Variants in ACSBG1 observed in about 807,000 individuals in gnomAD.
ACSBG1 encodes long-chain-fatty-acid--CoA ligase ACSBG1.
Under a neutral mutation model 80.2 loss-of-function variants are expected in ACSBG1, and 39 were observed. The observed-to-expected ratio is 0.49, with a 90% confidence interval of 0.38 to 0.64. ACSBG1 has a LOEUF of 0.64. ACSBG1 is among the 30% of genes least tolerant of loss of function. ACSBG1 has a pLI of 0.00. For synonymous variants in ACSBG1, 392 were observed against 379.5 expected (o/e 1.03, Z -0.38); for missense variants, 828 against 966.4 (o/e 0.86, Z 1.90).
intron 1 of ACSBG1, among the ~76,000 whole-genome samples, chr15:78,221,149 A>G (rs2075356724): frequency 6.6e-6 from 1 of 152,154 alleles, no homozygotes; most frequent in Non-Finnish European, 1.5e-5. Flanking sequence ...AGATATAGAG[A>G]AAGAACAGTG....
chr15:78,186,358 C>A (rs1022765883), intron 5 of ACSBG1, among the ~76,000 whole-genome samples: 3 of 152,166 alleles, frequency 2.0e-5, no homozygotes, highest in Non-Finnish European at 4.4e-5. Flanking sequence ...CACCCCAAAT[C>A]AACAGAATAT....
rs553403965 is a variant in ACSBG1 at position 78,177,733 on chromosome 15, G to A, written c.1702+881C>T. On this transcript the variant is annotated intron_variant, in intron 11 of 13. Coordinates refer to ENST00000258873, the MANE Select transcript of ACSBG1 (RefSeq NM_015162.5). The surrounding 1 kb of genome is among the most constrained non-coding windows in gnomAD (Gnocchi z 4.1). Reference sequence around the variant, plus strand: ...CATCAGTTGGGTCCTGGGCATGGTCGCACACTGCCTGCATGATGTCCACAA... The same window carrying A: ...CATCAGTTGGGTCCTGGGCATGGTCACACACTGCCTGCATGATGTCCACAA... Among the ~76,000 whole-genome samples, 4 of 152,218 alleles carry A rather than the reference G, an allele frequency of 2.6e-5. No homozygotes were observed. The highest frequency in any genetic ancestry group is 2.1e-4 in the South Asian group (1 of 4,820).
At chr15:78,207,940 AGCAC>A in intron 2 of ACSBG1, 58 bp downstream of exon 2, 1 of 322,294 alleles carries the variant, frequency 3.1e-6, no homozygotes, top group Non-Finnish European at 6.0e-6. Flanking sequence ...CCACCCCTCC[AGCAC>A]ACCCAGCACA....
In ACSBG1 at chr15:78,200,770, G is replaced by A. The variant is rs148967731; in HGVS notation, c.233-6044C>T. On this transcript the variant is annotated intron_variant, in intron 2 of 13. Transcript: ENST00000258873. ...TGGGCAGCCATGACCTCCAGCCACC[G>A]GCCTTTTCCCACACTCCTGAGACTC... Among the ~76,000 whole-genome samples, 261 of 152,252 alleles carry A rather than the reference G, an allele frequency of 1.7e-3. 4 individuals are homozygous for A. In the South Asian group the frequency reaches 0.025, roughly 15 times the overall value.
intron 5 of ACSBG1, among the ~76,000 whole-genome samples, chr15:78,183,384 C>T (rs900433426): frequency 6.6e-6 from 1 of 151,754 alleles, no homozygotes; most frequent in Non-Finnish European, 1.5e-5. Flanking sequence ...CGAGACCAGC[C>T]TGGTCAACAT....
chr15:78,209,076 G>T, intron 1 of ACSBG1: 4 of 349,990 alleles, frequency 1.1e-5, no homozygotes, highest in South Asian at 6.5e-5. Context: ...GCTCCAGGGA[G>T]CCCTGTCTGT....
At chr15:78,228,735 A>G (rs1024385523) in intron 1 of ACSBG1, among the ~76,000 whole-genome samples, 3 of 152,188 alleles carry the variant, frequency 2.0e-5, no homozygotes, top group African/African-American at 4.8e-5. Context: ...TGGCTTTTAC[A>G]TGATAGTCCC....
chr15:78,205,196 C>T (rs2075202204), intron 2 of ACSBG1, among the ~76,000 whole-genome samples: 1 of 152,014 alleles, frequency 6.6e-6, no homozygotes, highest in South Asian at 2.1e-4. Context: ...ACAAGGCTGC[C>T]TTTGTGTGAA....
At chr15:78,210,979 G>C (rs941885328) in intron 1 of ACSBG1, among the ~76,000 whole-genome samples, 4 of 152,154 alleles carry the variant, frequency 2.6e-5, no homozygotes, top group African/African-American at 9.7e-5. Context: ...CAGTGTGCTG[G>C]CTTCTAGCAA....
At chr15:78,193,479 C>A (rs147152142) in intron 5 of ACSBG1, 27 bp downstream of exon 5, 2 of 1,592,254 alleles carry the variant, frequency 1.3e-6, no homozygotes, top group South Asian at 1.2e-5. Context: ...AGCATCTGAC[C>A]CCATGCCCAC....
intron 2 of ACSBG1, among the ~76,000 whole-genome samples, chr15:78,195,464 C>T (rs1211829854): frequency 1.4e-5 from 2 of 146,918 alleles, no homozygotes; most frequent in Admixed American, 6.6e-5. Flanking sequence ...GCCACCCTGC[C>T]TTTAAGAGTC....
At chr15:78,214,593 C>T (rs1467964476) in intron 1 of ACSBG1, among the ~76,000 whole-genome samples, 1 of 152,166 alleles carries the variant, frequency 6.6e-6, no homozygotes, top group African/African-American at 2.4e-5. Context: ...GTGTGCACCA[C>T]CGTACTTGGC....
chr15:78,186,563 C>T (rs1450133313), intron 5 of ACSBG1, among the ~76,000 whole-genome samples: 1 of 152,162 alleles, frequency 6.6e-6, no homozygotes, highest in African/African-American at 2.4e-5. Context: ...CAACCTGCTC[C>T]TGAATGACTA....
At chr15:78,215,722 AAG>A (rs1272136772) in intron 1 of ACSBG1, among the ~76,000 whole-genome samples, 21 of 105,604 alleles carry the variant, frequency 2.0e-4, no homozygotes, top group South Asian at 6.9e-4. Context: ...GAAAGAAAGA[AAG>A]AGAAAGAAAG....
At chr15:78,232,413 C>T (rs961728083) in intron 1 of ACSBG1, among the ~76,000 whole-genome samples, 1 of 152,170 alleles carries the variant, frequency 6.6e-6, no homozygotes, top group African/African-American at 2.4e-5. Flanking sequence ...AGGGTTCTGC[C>T]TCAAGTTTGC....
intron 1 of ACSBG1, among the ~76,000 whole-genome samples, chr15:78,215,786 G>GAAAGAGAA (rs1477978248): frequency 1.6e-5 from 2 of 122,936 alleles, no homozygotes; most frequent in East Asian, 5.5e-4. Flanking sequence ...AAGAAAGAAA[G>GAAAGAGAA]AGAAAGAAAG....
chr15:78,184,347 TC>T (rs112193374), intron 5 of ACSBG1, among the ~76,000 whole-genome samples: 17,035 of 151,506 alleles, frequency 0.11, 1,120 homozygotes, highest in South Asian at 0.21. Flanking sequence ...ATTAAATTTT[TC>T]CTTTTTTTTT....
At chr15:78,218,795 G>A (rs1448620167) in intron 1 of ACSBG1, among the ~76,000 whole-genome samples, 5 of 41,008 alleles carry the variant, frequency 1.2e-4, no homozygotes, top group African/African-American at 2.7e-4. Context: ...TTTTTGAGAC[G>A]GAGTATCGCT....
At chr15:78,211,736 T>C (rs989441036) in intron 1 of ACSBG1, among the ~76,000 whole-genome samples, 2 of 152,294 alleles carry the variant, frequency 1.3e-5, no homozygotes, top group Middle Eastern at 6.8e-3. Flanking sequence ...TGGTGTCTCC[T>C]TACTCCTTCT....
Sources: allele counts gnomAD v4.1 joint callset (sites outside exome capture counted in the v4.1 genomes callset), GRCh38; gene constraint gnomAD v4.1.1; non-coding constraint Gnocchi (gnomAD v3.1); transcripts MANE v1.5; gene names NCBI Gene and HGNC (gene_info 2026-07-23, HGNC 2026-07-21).